The following WDR70 variants were observed in gnomAD, a reference collection of about 807,000 sequenced individuals.
WDR70 encodes the protein WD repeat domain 70, also known as WD repeat-containing protein 70.
Under a neutral mutation model 88.6 loss-of-function variants are expected in WDR70, and 53 were observed. That is an observed-to-expected ratio of 0.60 (90% CI 0.48 to 0.75). The LOEUF is 0.75. WDR70 is among the 30% of genes least tolerant of loss of function. The pLI is 0.00. For missense variants in WDR70, 610 were observed against 823.2 expected (o/e 0.74, Z 3.17); for synonymous variants, 280 against 270.0 (o/e 1.04, Z -0.36).
At chr5:37,425,165 A>G (rs758008097) in intron 5 of WDR70, among the ~76,000 whole-genome samples, 4 of 152,192 alleles carry the variant, frequency 2.6e-5, no homozygotes, top group African/African-American at 7.2e-5. Context: ...AGGATCATCT[A>G]AGTCTGGGGC....
In WDR70 at chr5:37,433,123, C is replaced by A. The variant is rs191555862; in HGVS notation, c.493-4799C>A. On this transcript the variant is annotated intron_variant, in intron 5 of 17. Coordinates refer to ENST00000265107, the MANE Select transcript of WDR70 (RefSeq NM_018034.4). ...TCACCTGGGCTGGAGTACAGTGGCA[C>A]GATCTTGGCTCATTGCAACCCTCAC... 1.6e-3 allele frequency among the ~76,000 whole-genome samples: 247 copies of A among 152,100 alleles called. 1 individual carries two copies. Among genetic ancestry groups the A allele is most frequent in the Non-Finnish European group, 2.9e-3 (197 of 67,992 alleles).
At chr5:37,670,298 C>T (rs1489655592) in intron 10 of WDR70, among the ~76,000 whole-genome samples, 1 of 152,078 alleles carries the variant, frequency 6.6e-6, no homozygotes, top group Non-Finnish European at 1.5e-5. Flanking sequence ...ACTGGAATTC[C>T]ATTTATCCTC....
At chr5:37,556,478 CAT>C (rs976918962) in intron 9 of WDR70, among the ~76,000 whole-genome samples, 14 of 152,196 alleles carry the variant, frequency 9.2e-5, no homozygotes, top group African/African-American at 2.2e-4. Context: ...CTATAATAAA[CAT>C]ATGTTATCTT....
At chr5:37,446,018 A>G (rs1179031992) in intron 7 of WDR70, among the ~76,000 whole-genome samples, 1 of 152,206 alleles carries the variant, frequency 6.6e-6, no homozygotes, top group Non-Finnish European at 1.5e-5. Flanking sequence ...TGCAGATGAC[A>G]TGGTTGTATA....
chr5:37,507,323 TC>T (rs1454345323), intron 8 of WDR70, among the ~76,000 whole-genome samples: 2 of 152,202 alleles, frequency 1.3e-5, no homozygotes, highest in Non-Finnish European at 2.9e-5. Flanking sequence ...ATTTGAGGTA[TC>T]CATCACCTTG....
chr5:37,611,175 T>G (rs1744180583), intron 10 of WDR70, among the ~76,000 whole-genome samples: 1 of 152,202 alleles, frequency 6.6e-6, no homozygotes, highest in Non-Finnish European at 1.5e-5. Context: ...TGGGTTTTTT[T>G]GTTAAATTTT....
At chr5:37,573,193 TTGA>T (rs1465536116) in intron 9 of WDR70, among the ~76,000 whole-genome samples, 1 of 152,214 alleles carries the variant, frequency 6.6e-6, no homozygotes, top group Non-Finnish European at 1.5e-5. Flanking sequence ...TTCTTCTGCT[TTGA>T]AAGTTCAGGT....
chr5:37,675,829 TG>T (rs1746187878), intron 10 of WDR70, among the ~76,000 whole-genome samples: 1 of 152,092 alleles, frequency 6.6e-6, no homozygotes, highest in African/African-American at 2.4e-5. Context: ...TTGGGCAGTA[TG>T]GCCATTTTCA....
chr5:37,692,866 G>A (rs56051756), intron 10 of WDR70, among the ~76,000 whole-genome samples: 35,895 of 151,808 alleles, frequency 0.24, 4,947 homozygotes, highest in Admixed American at 0.38. Flanking sequence ...TTCTGGGCCA[G>A]GGCAATCAGG....
intron 10 of WDR70, among the ~76,000 whole-genome samples, chr5:37,624,265 A>G (rs75908628): frequency 0.032 from 4,914 of 152,162 alleles, 98 homozygotes; most frequent in Non-Finnish European, 0.042. Context: ...TATGAGATCA[A>G]CTGTTTTTCT....
intron 10 of WDR70, among the ~76,000 whole-genome samples, chr5:37,688,589 A>G (rs1466407405): frequency 2.0e-5 from 3 of 152,056 alleles, no homozygotes; most frequent in African/African-American, 4.8e-5. Flanking sequence ...TTGATGGGAT[A>G]TAAGGAAGTG....
intron 8 of WDR70, among the ~76,000 whole-genome samples, chr5:37,484,283 G>C (rs1343694380): frequency 6.6e-6 from 1 of 152,220 alleles, no homozygotes; most frequent in African/African-American, 2.4e-5. Context: ...CTGAGTGAAC[G>C]AGACTCTGTC....
At chr5:37,466,423 T>C (rs1169011497) in intron 7 of WDR70, among the ~76,000 whole-genome samples, 2 of 152,254 alleles carry the variant, frequency 1.3e-5, no homozygotes, top group Non-Finnish European at 2.9e-5. Flanking sequence ...AAAATAAAAA[T>C]TGGCTGGGCG....
intron 10 of WDR70, among the ~76,000 whole-genome samples, chr5:37,656,717 C>T (rs1000291082): frequency 5.9e-5 from 9 of 152,212 alleles, no homozygotes; most frequent in Non-Finnish European, 1.2e-4. Context: ...CTGCCCAGTT[C>T]GAACTTCCCA....
At chr5:37,443,411 A>C (rs376924895) in intron 7 of WDR70, 39 bp downstream of exon 7, 171 of 1,609,708 alleles carry the variant, frequency 1.1e-4, no homozygotes, top group Middle Eastern at 8.3e-4. Flanking sequence ...TATTTGACCT[A>C]ATGTCTTCAC....
intron 5 of WDR70, among the ~76,000 whole-genome samples, chr5:37,415,399 C>T (rs1422168121): frequency 9.3e-6 from 1 of 107,474 alleles, no homozygotes; most frequent in Non-Finnish European, 2.4e-5. Context: ...GGGCGGCTGG[C>T]CGGGCGGGGG....
At chr5:37,649,760 C>G (rs1261836057) in intron 10 of WDR70, among the ~76,000 whole-genome samples, 1 of 16,952 alleles carries the variant, frequency 5.9e-5, no homozygotes, top group Non-Finnish European at 1.2e-4. Context: ...TTTTTTGAGA[C>G]GGAGTCTCGC....
intron 9 of WDR70, among the ~76,000 whole-genome samples, chr5:37,569,534 G>C (rs1377839275): frequency 1.3e-5 from 2 of 152,178 alleles, no homozygotes; most frequent in Admixed American, 1.3e-4. Flanking sequence ...ATTAAAAGGG[G>C]AAACCACAGG....
intron 8 of WDR70, among the ~76,000 whole-genome samples, chr5:37,480,724 C>T (rs555484997): frequency 1.3e-5 from 2 of 152,266 alleles, no homozygotes; most frequent in South Asian, 4.2e-4. Context: ...TTTAATTCTG[C>T]CTCGGCCCCT....
Sources: allele counts gnomAD v4.1 joint callset (sites outside exome capture counted in the v4.1 genomes callset), GRCh38; gene constraint gnomAD v4.1.1; transcripts MANE v1.5; gene names NCBI Gene and HGNC (gene_info 2026-07-23, HGNC 2026-07-21).